Variants in NAPSA observed in about 807,000 individuals in gnomAD.
NAPSA encodes napsin-A.
A neutral mutation model predicts 36.7 loss-of-function variants in NAPSA; 37 were observed. That is an observed-to-expected ratio of 1.01 (90% CI 0.78 to 1.33). The LOEUF (loss-of-function observed/expected upper bound fraction) is 1.33, where lower values mean the gene tolerates loss of function less well. NAPSA is among the 40% of genes most tolerant of loss of function. The probability of loss-of-function intolerance (pLI) is 0.00; values close to 1 mark genes in which losing one functional copy is unlikely to be tolerated. For missense variants in NAPSA, 532 were observed against 543.8 expected, an observed-to-expected ratio of 0.98 and a Z score of 0.21; for synonymous variants, 222 against 234.5, an observed-to-expected ratio of 0.95 and a Z score of 0.49.
At chr19:50,359,977 G>T in intron 5 of NAPSA, 115 bp from the exon 6 acceptor site, 3 of 1,383,512 alleles carry the variant, frequency 2.2e-6, no homozygotes, top group East Asian at 2.3e-5. Context: ...GAGTTCCTAC[G>T]GGGTAATGGG....
At position 50,364,572 on chromosome 19, in the gene NAPSA, G is replaced by A. The variant is rs979491478; in HGVS notation, c.83+967C>T. ...AGAGCTTGCAGTGAGCCAAGATTGC[G>A]CCACTGCACTCCAGCCTGGGCAACA... is the stretch of plus-strand genomic sequence containing the variant. On this transcript the variant is annotated intron_variant, in intron 1 of 8. Transcript: ENST00000253719. 5.5e-5 allele frequency among the ~76,000 whole-genome samples: 7 copies of A among 127,524 alleles called. No homozygotes were observed. In the South Asian group the frequency reaches 7.8e-4, roughly 14 times the overall value. 83.7% of individuals were successfully genotyped at this position (127,524 alleles called of 152,430 possible). A position where few individuals can be genotyped will look rare whatever the true frequency, so the allele number is the denominator to read the frequency against.
rs2037487576 is a variant in NAPSA, at chr19:50,362,227, C to G, written c.170G>C (p.Gly57Ala). The G allele has an allele frequency of 6.2e-7, 1 of 1,614,048 alleles. No homozygotes were observed. Among genetic ancestry groups the G allele is most frequent in the Non-Finnish European group, 8.5e-7 (1 of 1,179,974 alleles). The change falls in exon 2 of 9, where the codon GGG becomes GCG. Residue 57 changes from glycine (G) to alanine (A), a missense_variant. Gly to Ala is a moderately conservative substitution (Grantham distance 60). This residue lies in a region of NAPSA where 102 missense variants were observed against 93.6 expected (regional missense o/e 1.09). Coordinates refer to ENST00000253719, the MANE Select transcript of NAPSA (RefSeq NM_004851.3). ...GGGCTTGTCCCCAGGGGATGGGGCC[C>G]CCAACTTGGGGAGCTCTGCTGGTTC... ...WREPAELPKL[G>A]APSPGDKPIF...
At chr19:50,365,507 T>G (rs753210222) in intron 1 of NAPSA, 32 bp downstream of exon 1, 1 of 1,601,804 alleles carries the variant, frequency 6.2e-7, no homozygotes, top group South Asian at 1.1e-5. Flanking sequence ...AAATCCCTCC[T>G]AAGGTTGGGG....
Position 50,362,213 on chromosome 19 carries a change from C to T in NAPSA, c.184G>A (p.Gly62Arg), listed in dbSNP as rs1378979293. ...AGAGGTACGAAGATGGGCTTGTCCC[C>T]AGGGGATGGGGCCCCCAACTTGGGG... ...ELPKLGAPSP[G>R]DKPIFVPLSN... Residue 62 changes from glycine to arginine, a missense_variant, in exon 2 of 9, where the codon GGG (glycine) becomes AGG (arginine). By Grantham distance (125) the Gly-to-Arg change is moderately radical. Transcript: ENST00000253719. 1 of 1,614,054 alleles carries T rather than the reference C, an allele frequency of 6.2e-7. No homozygotes were observed. The highest frequency in any genetic ancestry group is 8.5e-7 in the Non-Finnish European group (1 of 1,179,976).
chr19:50,361,587 C>A, intron 4 of NAPSA, 76 bp downstream of exon 4: 1 of 1,311,174 alleles, frequency 7.6e-7, no homozygotes, highest in South Asian at 1.2e-5. Context: ...CTCCTCGAGC[C>A]TCTTCCTAAG....
In NAPSA at chr19:50,359,484, C is replaced by T. The variant is rs776000929; in HGVS notation, c.936+19G>A. On this transcript the variant is annotated intron_variant, in intron 7 of 8. Coordinates refer to ENST00000253719, the MANE Select transcript of NAPSA (RefSeq NM_004851.3). ...GCCATCAGCCTTCCCAGCCCGTACC[C>T]ACCAGACTGGGACCTCACCTCCCCA... is the stretch of plus-strand genomic sequence containing the variant. 5 of 1,613,958 alleles carry T rather than the reference C, an allele frequency of 3.1e-6. No individual in the cohort carries two copies. In the South Asian group the frequency reaches 4.4e-5, roughly 14 times the overall value.
At chr19:50,361,397 C>T (rs1274870615) in intron 4 of NAPSA, 2 of 587,486 alleles carry the variant, frequency 3.4e-6, no homozygotes, top group East Asian at 2.8e-5. Flanking sequence ...CCAGGAAGCT[C>T]CTCCTCCCTG....
upstream of NAPSA, among the ~76,000 whole-genome samples, chr19:50,367,548 C>CT (rs2037563236): frequency 5.6e-5 from 8 of 143,028 alleles, no homozygotes; most frequent in African/African-American, 8.4e-5. Flanking sequence ...CTCTCTCTCT[C>CT]CCTCTCTCTC....
Position 50,359,783 on chromosome 19 carries a change from C to T in NAPSA, c.748G>A (p.Val250Met), listed in dbSNP as rs748819177. Residue 250 changes from valine to methionine, a missense_variant, in exon 6 of 9, where the codon GTG becomes ATG. By Grantham distance (21) the Val-to-Met change is conservative. Around this residue, in one of 3 missense-constraint regions of NAPSA, gnomAD observed 385 missense variants for 371.5 expected, o/e 1.04. Coordinates refer to ENST00000253719, the MANE Select transcript of NAPSA (RefSeq NM_004851.3). ...CAGTAGGCAGGGACCGTGACTGGCA[C>T]GAAGGTGAGGGGTGGGATGTAGTGT... is the stretch of plus-strand genomic sequence containing the variant. ...PAHYIPPLTF[V>M]PVTVPAYWQI... 8.5e-5 allele frequency: 138 copies of T among 1,614,084 alleles called. No homozygotes were observed. The highest frequency in any genetic ancestry group is 4.9e-4 in the Middle Eastern group (3 of 6,084).
At chr19:50,363,688 G>C (rs1398064066) in intron 1 of NAPSA, among the ~76,000 whole-genome samples, 1 of 151,922 alleles carries the variant, frequency 6.6e-6, no homozygotes, top group Non-Finnish European at 1.5e-5. Context: ...TCACCCTCCT[G>C]AACTAGCTGG....
chr19:50,360,833 G>A, intron 5 of NAPSA, 108 bp downstream of exon 5: 4 of 1,099,682 alleles, frequency 3.6e-6, no homozygotes, highest in Non-Finnish European at 5.2e-6. Flanking sequence ...AGTGTAAGTG[G>A]GTGACTCTGA....
chr19:50,366,412 T>TA (rs2037550216), upstream of NAPSA, among the ~76,000 whole-genome samples: 2 of 151,738 alleles, frequency 1.3e-5, no homozygotes, highest in South Asian at 2.1e-4. Context: ...TTCTCAATTA[T>TA]TTCAATCTCT....
At chr19:50,365,011 A>T (rs1293412493) in intron 1 of NAPSA, among the ~76,000 whole-genome samples, 7 of 140,630 alleles carry the variant, frequency 5.0e-5, no homozygotes, top group African/African-American at 8.0e-5. Context: ...TAATAATAAT[A>T]AATAATAATA....
chr19:50,361,620 G>T, intron 4 of NAPSA, 43 bp downstream of exon 4: 1 of 1,513,922 alleles, frequency 6.6e-7, no homozygotes, highest in Non-Finnish European at 9.2e-7. Flanking sequence ...AGACAATGGG[G>T]TTCTCCCAGG....
At chr19:50,367,551 T>TCC (rs898232087), upstream of NAPSA, among the ~76,000 whole-genome samples, 2 of 118,028 alleles carry the variant, frequency 1.7e-5, no homozygotes, top group African/African-American at 4.3e-5. Context: ...TCTCTCTCCC[T>TCC]CTCTCTCTCT....
chr19:50,358,881 G>T (rs2037431723), intron 8 of NAPSA, 101 bp from the exon 9 acceptor site: 2 of 1,333,896 alleles, frequency 1.5e-6, no homozygotes, highest in South Asian at 2.8e-5. Flanking sequence ...TTTGATGTTC[G>T]CCAACAAACT....
chr19:50,363,507 A>C (rs2037503444), intron 1 of NAPSA, among the ~76,000 whole-genome samples: 1 of 152,002 alleles, frequency 6.6e-6, no homozygotes, highest in Non-Finnish European at 1.5e-5. Flanking sequence ...CAGCCTCTGG[A>C]GTAGCTGAGA....
upstream of NAPSA, among the ~76,000 whole-genome samples, chr19:50,366,765 G>C (rs769660836): frequency 1.3e-5 from 2 of 151,474 alleles, no homozygotes; most frequent in Admixed American, 6.6e-5. Flanking sequence ...CTGCCTCCCA[G>C]GTGCAAGTAA....
Position 50,361,780 on chromosome 19 carries a change from C to A in NAPSA, c.351G>T (p.Trp117Cys). The change falls in exon 4 of 9, where the codon TGG becomes TGT. Residue 117 changes from tryptophan to cysteine, a missense_variant and splice_region_variant. Physicochemically the swap from Trp to Cys is radical, Grantham distance 215. This residue lies in a region of NAPSA where 45 missense variants were observed against 78.7 expected (regional missense o/e 0.57). Coordinates refer to ENST00000253719, the MANE Select transcript of NAPSA (RefSeq NM_004851.3). ...CTTTGGGATCAAATCGGTGGTGTAA[C>A]CCTAGGTTAGAGGTCAGAAAGGTGT... ...RRCHFFSVPC[W>C]LHHRFDPKAS... The A allele has an allele frequency of 6.2e-7, 1 of 1,613,896 alleles. No homozygotes were observed. Among genetic ancestry groups the A allele is most frequent in the African/African-American group, 1.3e-5 (1 of 74,986 alleles).
Sources: allele counts gnomAD v4.1 joint callset (sites outside exome capture counted in the v4.1 genomes callset), GRCh38; gene constraint gnomAD v4.1.1; regional missense constraint gnomAD v4.1.1; transcripts MANE v1.5; gene names NCBI Gene and HGNC (gene_info 2026-07-23, HGNC 2026-07-21).